PIK3R6: variants seen among roughly 807,000 people sequenced by gnomAD.
The protein encoded by PIK3R6 is phosphoinositide 3-kinase regulatory subunit 6.
PIK3R6 carries 91 observed loss-of-function variants against 84.9 expected under a neutral mutation model. The observed-to-expected ratio is 1.07, with a 90% CI of 0.90 to 1.28. The LOEUF is 1.28. PIK3R6 is among the 50% of genes most tolerant of loss of function. The pLI is 0.00. For synonymous variants in PIK3R6, 416 were observed against 411.4 expected, an observed-to-expected ratio of 1.01 and a Z score of -0.13; for missense variants, 996 against 985.1, an observed-to-expected ratio of 1.01 and a Z score of -0.15.
At chr17:8,865,966 C>T (rs914391589) in intron 1 of PIK3R6, among the ~76,000 whole-genome samples, 3 of 152,082 alleles carry the variant, frequency 2.0e-5, no homozygotes, top group African/African-American at 4.8e-5. Flanking sequence ...GACCAGATGG[C>T]GATGACTGCA....
At chr17:8,832,344 C>T (rs376005024) in intron 9 of PIK3R6, among the ~76,000 whole-genome samples, 5 of 145,230 alleles carry the variant, frequency 3.4e-5, no homozygotes, top group East Asian at 4.0e-4. Context: ...CTGTGGGCAT[C>T]GGCGGTTATC....
At chr17:8,825,422 A>G (rs1019465456) in intron 13 of PIK3R6, among the ~76,000 whole-genome samples, 2 of 152,246 alleles carry the variant, frequency 1.3e-5, no homozygotes, top group African/African-American at 2.4e-5. Flanking sequence ...ATATTAAAAT[A>G]TCAAAAGGCT....
At chr17:8,859,450 T>C (rs1468658366) in intron 1 of PIK3R6, among the ~76,000 whole-genome samples, 1 of 152,122 alleles carries the variant, frequency 6.6e-6, no homozygotes, top group Non-Finnish European at 1.5e-5. Flanking sequence ...GCAGCATGCT[T>C]GTGATGGTTT....
At position 8,822,656 on chromosome 17, in the gene PIK3R6, A is replaced by G. The variant is rs780603867; in HGVS notation, c.1719T>C (p.Asp573=). 3.7e-6 allele frequency: 6 copies of G among 1,613,910 alleles called. No homozygotes were observed. In the East Asian group the frequency reaches 8.9e-5, roughly 24 times the overall value. ...CGCCTCTCCTCCTGGGTGAAAAGCC[A>G]TCTGTGGGGAGATGAGAAGAGGCTT... ...VKIQDSKFPK[D]GFSPRRRGVA... The change falls in exon 16 of 20, where the codon GAT becomes GAC. Residue 573 remains aspartate (D), a splice_region_variant and synonymous_variant. Coordinates refer to ENST00000619866, the MANE Select transcript of PIK3R6 (RefSeq NM_001010855.4).
Position 8,828,550 on chromosome 17 carries a change from C to A in PIK3R6, c.1313+17G>T, listed in dbSNP as rs1046147989. The A allele has an allele frequency of 1.4e-5, 23 of 1,609,310 alleles. No individual in the cohort carries two copies. Among genetic ancestry groups the A allele is most frequent in the Non-Finnish European group, 1.9e-5 (22 of 1,178,966 alleles). ...CCTGACCAGCGCCCACCCCCAGCCC[C>A]CACGTCGGGGCCCCACCTGAGTCTG... On this transcript the variant is annotated intron_variant, in intron 11 of 19. Transcript: ENST00000619866.
chr17:8,835,274 T>C lies in PIK3R6; in HGVS notation c.644A>G (p.Gln215Arg). 1 of 1,544,278 alleles carries C rather than the reference T, an allele frequency of 6.5e-7. No homozygotes were observed. The highest frequency in any genetic ancestry group is 1.2e-5 in the South Asian group (1 of 83,266). The change falls in exon 8 of 20, where the codon CAG (glutamine) becomes CGG (arginine). Residue 215 changes from glutamine to arginine, a missense_variant and splice_region_variant. Gln to Arg is a conservative substitution (Grantham distance 43, BLOSUM62 1). Transcript: ENST00000619866. Reference sequence around the variant, plus strand: ...AGGGGCTGCAGGCAGGGCCATTACCTGCAGCTTCCTGTGCAGAGCGCCTGC... The same window carrying C: ...AGGGGCTGCAGGCAGGGCCATTACCCGCAGCTTCCTGTGCAGAGCGCCTGC... ...CHAGALHRKL[Q>R]ASPRRTLEHY...
In PIK3R6 at chr17:8,828,577, G is replaced by A; in HGVS notation, c.1303C>T (p.His435Tyr). The change falls in exon 11 of 20, where the codon CAC (histidine) becomes TAC (tyrosine). Residue 435 changes from histidine (H) to tyrosine (Y), a missense_variant. By Grantham distance (83) the His-to-Tyr change is moderately conservative (BLOSUM62 2). Transcript: ENST00000619866. ...RMLGRLAQAYHRLRKRETQKF... is the reference protein window; with the variant it reads ...RMLGRLAQAYYRLRKRETQKF... ...ACGTCGGGGCCCCACCTGAGTCTGT[G>A]GTAGGCCTGGGCCAGGCGCCCCAGC... is the stretch of plus-strand genomic sequence containing the variant. 1.9e-6 allele frequency: 3 copies of A among 1,612,478 alleles called. No homozygotes were observed. The highest frequency in any genetic ancestry group is 1.7e-4 in the Middle Eastern group (1 of 5,990).
chr17:8,829,489 T>C (rs1168329559), intron 10 of PIK3R6, among the ~76,000 whole-genome samples: 3 of 102,926 alleles, frequency 2.9e-5, no homozygotes, highest in African/African-American at 4.3e-5. Flanking sequence ...CATGCACGCA[T>C]ACACACACAC....
In PIK3R6 at chr17:8,828,998, G is replaced by A. The variant is rs1404507842; in HGVS notation, c.890-8C>T. On this transcript the variant is annotated splice_region_variant and splice_polypyrimidine_tract_variant and intron_variant, in intron 10 of 19. Transcript: ENST00000619866. ...AGAGCACCAGTTCCTTCCCTGGGGT[G>A]GGGGAACAAGGGCGGTGAGGACACG... The A allele has an allele frequency of 2.0e-6, 3 of 1,494,218 alleles. No homozygotes were observed. The highest frequency in any genetic ancestry group is 2.8e-5 in the African/African-American group (2 of 70,562). The allele number at this position is 1,494,218 out of a possible 1,614,324, so 92.6% of individuals were successfully genotyped here.
Position 8,803,147 on chromosome 17 carries a change from C to T in PIK3R6, c.*126G>A. 7.7e-7 allele frequency: 1 copy of T among 1,299,154 alleles called. No homozygotes were observed. The highest frequency in any genetic ancestry group is 1.1e-6 in the Non-Finnish European group (1 of 935,296). The allele number at this position is 1,299,154 out of a possible 1,614,324, so 80.5% of individuals were successfully genotyped here. On this transcript the variant is annotated 3_prime_UTR_variant, in exon 20 of 20. Coordinates refer to ENST00000619866, the MANE Select transcript of PIK3R6 (RefSeq NM_001010855.4). The surrounding 1 kb of genome is among the most constrained non-coding windows in gnomAD (Gnocchi z 5.0). ...GGTAGGCTCCCTGTGCTCCCAGGCA[C>T]TCGCTGGCTCCTGGTCAAGGCCAAA...
At chr17:8,836,273 G>A (rs2088462782) in intron 7 of PIK3R6, among the ~76,000 whole-genome samples, 1 of 152,268 alleles carries the variant, frequency 6.6e-6, no homozygotes, top group South Asian at 2.1e-4. Context: ...GAGTGGCCCC[G>A]AGGCCATGTC....
intron 1 of PIK3R6, among the ~76,000 whole-genome samples, chr17:8,855,069 T>C (rs1488766623): frequency 1.3e-5 from 2 of 152,248 alleles, no homozygotes; most frequent in South Asian, 2.1e-4. Context: ...GGCTCATGCC[T>C]GTAATCCCAG....
chr17:8,829,403 CAT>C (rs1378741217), intron 10 of PIK3R6, among the ~76,000 whole-genome samples: 3 of 148,800 alleles, frequency 2.0e-5, no homozygotes, highest in East Asian at 2.3e-4. Flanking sequence ...CGCATGCACA[CAT>C]ACACACAGAC....
chr17:8,825,014 T>G (rs1003988892), intron 13 of PIK3R6, among the ~76,000 whole-genome samples: 7 of 152,338 alleles, frequency 4.6e-5, no homozygotes, highest in African/African-American at 1.7e-4. Flanking sequence ...AGTAAATAAA[T>G]GTGTATAAGT....
intron 1 of PIK3R6, among the ~76,000 whole-genome samples, 185 bp from the exon 2 acceptor site, chr17:8,850,070 A>T (rs1287855728): frequency 6.6e-6 from 1 of 152,160 alleles, no homozygotes; most frequent in African/African-American, 2.4e-5. Context: ...TTGGGAGGCC[A>T]AGGCGGGTGG....
intron 1 of PIK3R6, among the ~76,000 whole-genome samples, chr17:8,864,483 ATAAC>A (rs1490801774): frequency 6.8e-6 from 1 of 146,060 alleles, no homozygotes; most frequent in Non-Finnish European, 1.5e-5. Flanking sequence ...AAGTTAACTT[ATAAC>A]TAACAGATCC....
Position 8,819,121 on chromosome 17 carries a change from C to T in PIK3R6, c.1957G>A (p.Val653Ile). 6.2e-7 allele frequency: 1 copy of T among 1,609,186 alleles called. No individual in the cohort carries two copies. Among genetic ancestry groups the T allele is most frequent in the Non-Finnish European group, 8.5e-7 (1 of 1,177,968 alleles). Residue 653 changes from valine (V) to isoleucine (I), a missense_variant, in exon 18 of 20, where the codon GTT becomes ATT. Transcript: ENST00000619866. ...HTCLNVNVTEVVKSSNLAGKS... is the reference protein window; with the variant it reads ...HTCLNVNVTEIVKSSNLAGKS... ...CCCGCCAAGTTGGAGGACTTGACAA[C>T]CTCTGTCACGTTGACATTCAGACAT... is the stretch of plus-strand genomic sequence containing the variant.
chr17:8,853,943 CAG>C (rs1418535220), intron 1 of PIK3R6, among the ~76,000 whole-genome samples: 8 of 142,206 alleles, frequency 5.6e-5, no homozygotes, highest in African/African-American at 1.8e-4. Context: ...AGCCTGGTGA[CAG>C]AGAGAGACTC....
At chr17:8,851,234 A>G (rs1215657759) in intron 1 of PIK3R6, among the ~76,000 whole-genome samples, 1 of 151,898 alleles carries the variant, frequency 6.6e-6, no homozygotes, top group East Asian at 1.9e-4. Flanking sequence ...ACGATGGTTC[A>G]CTCCTGTAAT....
Sources: gnomAD v4.1 joint callset for allele counts (sites outside exome capture counted in the v4.1 genomes callset) on GRCh38, gnomAD v4.1.1 for gene constraint, Gnocchi (gnomAD v3.1) non-coding constraint, MANE v1.5 for transcripts, NCBI Gene and HGNC (gene_info 2026-07-23, HGNC 2026-07-21) for gene names.